The following ODR4 variants were observed in gnomAD, a reference collection of about 807,000 sequenced individuals.
The protein encoded by ODR4 is protein odr-4 homolog.
In ODR4, 47 loss-of-function variants were observed where a neutral mutation model predicts 60.2. The ratio of observed to expected loss-of-function variants is 0.78; its 90% confidence interval spans 0.62 to 1.00. ODR4 has a LOEUF of 1.00. Ranked by LOEUF, ODR4 falls within the 50% of genes least tolerant of loss-of-function variation. The pLI is 0.00. For missense variants in ODR4, 488 were observed against 530.8 expected (o/e 0.92, Z 0.79); for synonymous variants, 178 against 175.5 (o/e 1.01, Z -0.11).
At chr1:186,406,325 T>C in intron 12 of ODR4, 57 bp downstream of exon 12, 1 of 1,298,306 alleles carries the variant, frequency 7.7e-7, no homozygotes, top group East Asian at 2.5e-5. Context: ...ATTTTACCTA[T>C]GAGATGTCTA....
chr1:186,378,566 A>G (rs771316102), intron 1 of ODR4, among the ~76,000 whole-genome samples: 5 of 152,216 alleles, frequency 3.3e-5, no homozygotes, highest in Non-Finnish European at 4.4e-5. Flanking sequence ...CAGAGGGAAA[A>G]CAGAGTAAGA....
Position 186,398,021 on chromosome 1 carries a change from A to G in ODR4, c.781-292A>G, listed in dbSNP as rs545756768. 7.9e-5 allele frequency among the ~76,000 whole-genome samples: 12 copies of G among 152,342 alleles called. No homozygotes were observed. The South Asian group carries it at 1.0e-3, about 13-fold the overall frequency. Reference sequence around the variant, plus strand: ...CTGATGTGAATAATTTGCAAATAATATATTTTTAGGAGCATATCGAGTGAA... The same window carrying G: ...CTGATGTGAATAATTTGCAAATAATGTATTTTTAGGAGCATATCGAGTGAA... On this transcript the variant is annotated intron_variant, in intron 9 of 13. Coordinates refer to ENST00000287859, the MANE Select transcript of ODR4 (RefSeq NM_017847.6).
chr1:186,405,559 T>C (rs945916382), intron 11 of ODR4, among the ~76,000 whole-genome samples: 2 of 152,278 alleles, frequency 1.3e-5, no homozygotes, highest in South Asian at 2.1e-4. Flanking sequence ...ATTTTATTTT[T>C]ATTTTTATTT....
chr1:186,377,715 G>C (rs924490822), intron 1 of ODR4, among the ~76,000 whole-genome samples: 2 of 152,110 alleles, frequency 1.3e-5, no homozygotes. Flanking sequence ...TCTAAAAAAT[G>C]ATATGCAAAT....
intron 11 of ODR4, chr1:186,401,285 C>T: frequency 8.8e-7 from 1 of 1,130,248 alleles, no homozygotes; most frequent in South Asian, 1.6e-5. Flanking sequence ...AAAGCCTAAT[C>T]CTAAATTTTT....
At chr1:186,427,219 G>A in the ODR4 span, among the ~76,000 whole-genome samples, 77 of 152,302 alleles carry the variant, frequency 5.1e-4, no homozygotes, top group Admixed American at 1.2e-3. Flanking sequence ...TCTGTAGCAG[G>A]TGATGCCATT....
the ODR4 span, among the ~76,000 whole-genome samples, chr1:186,428,761 T>C: frequency 6.6e-6 from 1 of 152,186 alleles, no homozygotes; most frequent in Non-Finnish European, 1.5e-5. Context: ...TCAACTGGCC[T>C]AATAATAATA....
intron 12 of ODR4, among the ~76,000 whole-genome samples, chr1:186,416,600 A>C (rs1661574707): frequency 6.6e-6 from 1 of 152,140 alleles, no homozygotes; most frequent in Non-Finnish European, 1.5e-5. Context: ...TGAACCTGGA[A>C]GGTGGAGGTT....
At chr1:186,399,769 T>A (rs921390943) in intron 11 of ODR4, among the ~76,000 whole-genome samples, 1 of 152,088 alleles carries the variant, frequency 6.6e-6, no homozygotes, top group African/African-American at 2.4e-5. Context: ...CTACACTAGT[T>A]TATATGCTTC....
intron 9 of ODR4, among the ~76,000 whole-genome samples, chr1:186,395,776 T>G (rs1379439788): frequency 6.6e-6 from 1 of 152,202 alleles, no homozygotes; most frequent in Non-Finnish European, 1.5e-5. Context: ...AGATGATCAT[T>G]TCTGAATCAT....
At chr1:186,391,671 A>G in intron 7 of ODR4, 25 bp from the exon 8 acceptor site, 1 of 1,444,272 alleles carries the variant, frequency 6.9e-7, no homozygotes, top group Non-Finnish European at 9.6e-7. Flanking sequence ...TATCTGAAAG[A>G]TTTCCATGTT....
Position 186,383,026 on chromosome 1 carries a change from C to A in ODR4, c.104C>A (p.Ser35Ter). ...FVSGLLIGQC[S>*]SQKDYVILAT... ...CTTTTTAATTTGTTGTTGAAGTGTTCGTCACAAAAGGATTATGTGATTCTT... is the reference window on the plus strand; with the variant it reads ...CTTTTTAATTTGTTGTTGAAGTGTTAGTCACAAAAGGATTATGTGATTCTT... The change falls in exon 3 of 14, where the codon TCG becomes TAG. Residue 35 changes from serine (S) to a stop codon, truncating the protein, a stop_gained. Transcript: ENST00000287859. LOFTEE classifies it high-confidence loss of function. 1.3e-6 allele frequency: 2 copies of A among 1,582,890 alleles called. No homozygotes were observed. Among genetic ancestry groups the A allele is most frequent in the Non-Finnish European group, 1.7e-6 (2 of 1,163,794 alleles).
In ODR4 at chr1:186,399,084, C is replaced by T. The variant is rs529972982; in HGVS notation, c.1000+40C>T. The T allele has an allele frequency of 2.0e-5, 25 of 1,227,656 alleles. No individual in the cohort carries two copies. The African/African-American group carries it at 3.3e-4, about 16-fold the overall frequency. 76.0% of individuals were successfully genotyped at this position (1,227,656 alleles called of 1,614,324 possible). A position where few individuals can be genotyped will look rare whatever the true frequency, so the allele number is the denominator to read the frequency against. ...TAAGTACTTTTTTGCGTATCTTCAACTGATATAGTAATAAGATATCAAGAT... is the reference window on the plus strand; with the variant it reads ...TAAGTACTTTTTTGCGTATCTTCAATTGATATAGTAATAAGATATCAAGAT... On this transcript the variant is annotated intron_variant, in intron 11 of 13. Transcript: ENST00000287859.
downstream of ODR4, among the ~76,000 whole-genome samples, chr1:186,423,395 C>G (rs1482871080): frequency 1.5e-5 from 2 of 134,360 alleles, no homozygotes; most frequent in South Asian, 5.2e-4. Context: ...AAGTTGTATA[C>G]TTTAAAAATC....
intron 11 of ODR4, chr1:186,401,175 C>A: frequency 6.3e-7 from 1 of 1,587,300 alleles, no homozygotes; most frequent in Non-Finnish European, 8.6e-7. Context: ...ATTGTTAGTA[C>A]TTTGAAATTT....
At chr1:186,384,793 A>G (rs1660189993) in intron 3 of ODR4, among the ~76,000 whole-genome samples, 1 of 152,176 alleles carries the variant, frequency 6.6e-6, no homozygotes, top group South Asian at 2.1e-4. Context: ...ATTTGTCAGA[A>G]TTGTGCTACT....
At chr1:186,391,544 T>C (rs1660469800) in intron 7 of ODR4, among the ~76,000 whole-genome samples, 152 bp from the exon 8 acceptor site, 1 of 152,052 alleles carries the variant, frequency 6.6e-6, no homozygotes, top group Non-Finnish European at 1.5e-5. Flanking sequence ...GGTATACTTT[T>C]TTTTAATTTG....
intron 3 of ODR4, among the ~76,000 whole-genome samples, chr1:186,385,564 C>A (rs899807273): frequency 6.6e-5 from 10 of 151,628 alleles, no homozygotes; most frequent in Non-Finnish European, 1.2e-4. Context: ...CTAGGGAACA[C>A]CCTGAGTAAA....
chr1:186,417,048 C>T (rs975855741), intron 12 of ODR4, among the ~76,000 whole-genome samples: 3 of 151,752 alleles, frequency 2.0e-5, no homozygotes, highest in Non-Finnish European at 2.9e-5. Flanking sequence ...CTGTAACCTC[C>T]GTCTCCCGGG....
Sources: gnomAD v4.1 joint callset for allele counts (sites outside exome capture counted in the v4.1 genomes callset) on GRCh38, gnomAD v4.1.1 for gene constraint, MANE v1.5 for transcripts, NCBI Gene and HGNC (gene_info 2026-07-23, HGNC 2026-07-21) for gene names.